Variants in AMOTL1 observed in about 807,000 individuals in gnomAD.
AMOTL1 encodes the protein angiomotin-like protein 1.
A neutral mutation model predicts 102.9 loss-of-function variants in AMOTL1; 45 were observed. The ratio of observed to expected loss-of-function variants is 0.44; its 90% confidence interval spans 0.34 to 0.56. The LOEUF is 0.56. Among genes scored for constraint, AMOTL1 ranks in the 20% least tolerant of loss-of-function variants. AMOTL1 has a pLI of 0.01. For missense variants in AMOTL1, 1,114 were observed against 1,225.6 expected (o/e 0.91, Z 1.36); for synonymous variants, 481 against 484.7 (o/e 0.99, Z 0.10).
At position 94,754,458 on chromosome 11, in the gene AMOTL1, C is replaced by T. The variant is rs58256306; in HGVS notation, c.136+13470C>T. Among the ~76,000 whole-genome samples the T allele has an allele frequency of 4.5e-3, 681 of 152,356 alleles. 5 individuals are homozygous for T. Among genetic ancestry groups the T allele is most frequent in the African/African-American group, 0.016 (659 of 41,574 alleles). ...AGCATGGGAACGCTCCGAAGTGGGA[C>T]TGTAACCTTGTTATCTCCTTCCTCA... On this transcript the variant is annotated intron_variant, in intron 3 of 4. Coordinates refer to the AMOTL1 transcript ENST00000299004.
chr11:94,873,604 T>C lies in AMOTL1; in HGVS notation c.*2809T>C, dbSNP rs1427546874. The C allele has an allele frequency of 6.6e-6, 1 of 152,224 alleles. No individual in the cohort carries two copies. The highest frequency in any genetic ancestry group is 1.5e-5 in the Non-Finnish European group (1 of 68,040). The allele number at this position is 152,224 out of a possible 1,614,324, so 9.4% of individuals were successfully genotyped here. ...TGATTTCACTGATGAGGAAATGGGC[T>C]CAGAAAGGTTAAGTCCCTTCCTGAA... On this transcript the variant is annotated 3_prime_UTR_variant, in exon 13 of 13. Coordinates refer to ENST00000433060, the MANE Select transcript of AMOTL1 (RefSeq NM_130847.3).
intron 9 of AMOTL1, among the ~76,000 whole-genome samples, chr11:94,862,220 A>G (rs1328532538): frequency 6.6e-6 from 1 of 152,238 alleles, no homozygotes; most frequent in Non-Finnish European, 1.5e-5. Flanking sequence ...GAATAGGTTC[A>G]GAGAACCTCA....
intron 6 of AMOTL1, among the ~76,000 whole-genome samples, chr11:94,848,485 G>A (rs1386581315): frequency 2.0e-5 from 3 of 152,108 alleles, no homozygotes; most frequent in Non-Finnish European, 2.9e-5. Context: ...TCAGTCTATC[G>A]ATTCAGAAGC....
At chr11:94,762,291 T>G (rs1950803197) in intron 3 of AMOTL1, among the ~76,000 whole-genome samples, 1 of 152,356 alleles carries the variant, frequency 6.6e-6, no homozygotes, top group South Asian at 2.1e-4. Context: ...GAGCTTCTTT[T>G]AAAGTGGGTA....
At chr11:94,773,486 C>T (rs1950982582) in intron 1 of AMOTL1, among the ~76,000 whole-genome samples, 1 of 152,172 alleles carries the variant, frequency 6.6e-6, no homozygotes, top group African/African-American at 2.4e-5. Flanking sequence ...TTCTGAAGTG[C>T]TCACAGATTA....
At chr11:94,791,855 A>G (rs935375087) in intron 1 of AMOTL1, among the ~76,000 whole-genome samples, 1 of 152,216 alleles carries the variant, frequency 6.6e-6, no homozygotes, top group East Asian at 1.9e-4. Flanking sequence ...CATTTTGCCT[A>G]AGAAAGTAGA....
intron 1 of AMOTL1, among the ~76,000 whole-genome samples, chr11:94,725,653 C>T (rs551287540): frequency 2.0e-5 from 3 of 152,008 alleles, no homozygotes; most frequent in Non-Finnish European, 4.4e-5. Context: ...CTGAGGAACA[C>T]AGAACCAAGT....
rs540350133 is a variant in AMOTL1 at position 94,854,122 on chromosome 11, G to A, written c.1944+40G>A. The A allele has an allele frequency of 3.2e-5, 48 of 1,487,694 alleles. No homozygotes were observed. In the East Asian group the frequency reaches 9.2e-4, roughly 29 times the overall value. The allele number at this position is 1,487,694 out of a possible 1,614,324, so 92.2% of individuals were successfully genotyped here. A position where few individuals can be genotyped will look rare whatever the true frequency, so the allele number is the denominator to read the frequency against. ...ATGGACTGGTGAAAGAATTAGATAT[G>A]TTCACTCAGCAAACGTATGGATGTT... On this transcript the variant is annotated intron_variant, in intron 8 of 12. Transcript: ENST00000433060.
At chr11:94,858,108 A>C (rs982096207) in intron 8 of AMOTL1, among the ~76,000 whole-genome samples, 1 of 152,140 alleles carries the variant, frequency 6.6e-6, no homozygotes, top group Non-Finnish European at 1.5e-5. Context: ...TTTAGATAGA[A>C]ACTGACAAGC....
intron 3 of AMOTL1, among the ~76,000 whole-genome samples, chr11:94,757,175 T>A (rs1242748812): frequency 6.6e-6 from 1 of 152,048 alleles, no homozygotes; most frequent in Admixed American, 6.6e-5. Flanking sequence ...CAGCAATAAT[T>A]AAAACTCCAC....
In AMOTL1 at chr11:94,715,420, C is replaced by T. The variant is rs923479046; in HGVS notation, c.-51+8823C>T. Among the ~76,000 whole-genome samples, 68 of 152,208 alleles carry T rather than the reference C, an allele frequency of 4.5e-4. 1 individual carries two copies. The highest frequency in any genetic ancestry group is 1.6e-3 in the African/African-American group (65 of 41,546). On this transcript the variant is annotated intron_variant, in intron 1 of 4. Transcript: ENST00000299004. ...TCCTGGCCTCAAGTGATCCTCCCAC[C>T]CTGGCCTCCCAAAGTGCTGGGATTA...
intron 1 of AMOTL1, among the ~76,000 whole-genome samples, chr11:94,788,454 T>C (rs2135546980): frequency 6.6e-6 from 1 of 152,252 alleles, no homozygotes; most frequent in Non-Finnish European, 1.5e-5. Flanking sequence ...CACTACCACC[T>C]TCTCCACACC....
intron 1 of AMOTL1, among the ~76,000 whole-genome samples, chr11:94,725,167 G>T (rs764297876): frequency 2.0e-5 from 3 of 152,136 alleles, no homozygotes; most frequent in Non-Finnish European, 4.4e-5. Flanking sequence ...TGGGGAAGGA[G>T]GCAGGAGTAT....
At chr11:94,727,417 A>G (rs920340842) in intron 1 of AMOTL1, among the ~76,000 whole-genome samples, 1 of 152,152 alleles carries the variant, frequency 6.6e-6, no homozygotes, top group Non-Finnish European at 1.5e-5. Flanking sequence ...TTGCACAGAG[A>G]ACGTGTCTGG....
At chr11:94,768,292 T>G (rs1477344224), upstream of AMOTL1, 43 of 1,337,018 alleles carry the variant, frequency 3.2e-5, no homozygotes, top group Non-Finnish European at 3.9e-5. Context: ...AGGGTTCTAG[T>G]GACGAGCCCG....
At chr11:94,744,721 T>C (rs2135482280) in intron 3 of AMOTL1, among the ~76,000 whole-genome samples, 1 of 152,348 alleles carries the variant, frequency 6.6e-6, no homozygotes, top group South Asian at 2.1e-4. Context: ...TAAACAGTCA[T>C]GGAGTTTAAA....
At chr11:94,756,755 A>G (rs1307901708) in intron 3 of AMOTL1, among the ~76,000 whole-genome samples, 2 of 151,794 alleles carry the variant, frequency 1.3e-5, no homozygotes, top group Non-Finnish European at 1.5e-5. Flanking sequence ...TTCCCCATCC[A>G]CTCCCATCCT....
At chr11:94,820,559 A>G (rs988194) in intron 3 of AMOTL1, among the ~76,000 whole-genome samples, 37,077 of 152,090 alleles carry the variant, frequency 0.24, 5,124 homozygotes, top group East Asian at 0.46. Context: ...GTGGAAGACA[A>G]TTTTTCCGCA....
At chr11:94,810,977 A>G (rs979139582) in intron 3 of AMOTL1, among the ~76,000 whole-genome samples, 1 of 152,098 alleles carries the variant, frequency 6.6e-6, no homozygotes, top group Non-Finnish European at 1.5e-5. Context: ...GCTAAAACAA[A>G]TTGCTGATAT....
Sources: allele counts gnomAD v4.1 joint callset (sites outside exome capture counted in the v4.1 genomes callset), GRCh38; gene constraint gnomAD v4.1.1; transcripts MANE v1.5; gene names NCBI Gene and HGNC (gene_info 2026-07-23, HGNC 2026-07-21).